UGT2B7: variants seen among roughly 807,000 people sequenced by gnomAD.
The protein encoded by UGT2B7 is UDP glucuronosyltransferase family 2 member B7.
A neutral mutation model predicts 51.9 loss-of-function variants in UGT2B7; 51 were observed. That is an observed-to-expected ratio of 0.98 (90% confidence interval 0.78 to 1.24). The LOEUF (loss-of-function observed/expected upper bound fraction) is 1.24, where lower values mean the gene tolerates loss of function less well. UGT2B7 is among the 50% of genes most tolerant of loss of function. The probability of loss-of-function intolerance (pLI) is 0.00; values close to 1 mark genes in which losing one functional copy is unlikely to be tolerated. For synonymous variants in UGT2B7, 225 were observed against 211.6 expected (o/e 1.06, Z -0.55); for missense variants, 727 against 628.4 (o/e 1.16, Z -1.68).
intron 1 of UGT2B7, among the ~76,000 whole-genome samples, chr4:69,062,970 C>G (rs1455960334): frequency 1.3e-5 from 2 of 152,126 alleles, no homozygotes; most frequent in Non-Finnish European, 2.9e-5. Flanking sequence ...TTGTGCTGAT[C>G]CCCATATCTA....
Position 69,096,562 on chromosome 4 carries a change from G to C in UGT2B7, c.42G>C (p.Leu14=). 6.2e-7 allele frequency: 1 copy of C among 1,613,942 alleles called. No individual in the cohort carries two copies. The highest frequency in any genetic ancestry group is 8.5e-7 in the Non-Finnish European group (1 of 1,179,874). Residue 14 remains leucine, a synonymous_variant, in exon 1 of 6, where the codon CTG becomes CTC. Coordinates refer to ENST00000305231, the MANE Select transcript of UGT2B7 (RefSeq NM_001074.4). ...CTTCAGTAATTTTGCTAATACAACTGAGCTTTTGCTTTAGCTCTGGGAATT... is the reference window on the plus strand; with the variant it reads ...CTTCAGTAATTTTGCTAATACAACTCAGCTTTTGCTTTAGCTCTGGGAATT... ...KWTSVILLIQ[L]SFCFSSGNCG...
rs191133161 is a variant in UGT2B7, at chr4:69,059,662, G to C, written c.-159+8060G>C. 3.7e-3 allele frequency among the ~76,000 whole-genome samples: 522 copies of C among 141,840 alleles called. 5 individuals are homozygous for C. The highest frequency in any genetic ancestry group is 0.013 in the African/African-American group (499 of 37,250). The allele number at this position is 141,840 out of a possible 152,430, so 93.1% of individuals were successfully genotyped here. ...GTTAAAATCCAGTTCAGGTCCAACA[G>C]TACCTGCTACTCCCTGAGGCCATAC... On this transcript the variant is annotated intron_variant, in intron 1 of 5. Coordinates refer to the UGT2B7 transcript ENST00000502942.
chr4:69,064,088 GAAAGAA>G lies in UGT2B7; in HGVS notation c.-159+12488_-159+12493del, dbSNP rs1560499740. ...AGAAAGAAAGAAAGAAAGAAAGAAAGAAAGAAAGAGAAAGAAAGAAAGAAAAAGAAA... is the reference window on the plus strand; with the variant it reads ...AGAAAGAAAGAAAGAAAGAAAGAAAGAGAGAAAGAAAGAAAGAAAAAGAAA... On this transcript the variant is annotated intron_variant, in intron 1 of 5. Transcript: ENST00000502942. Among the ~76,000 whole-genome samples, 501 of 104,856 alleles carry G rather than the reference GAAAGAA, an allele frequency of 4.8e-3. 13 individuals are homozygous for G. The highest frequency in any genetic ancestry group is 0.013 in the African/African-American group (269 of 19,986). The allele number at this position is 104,856 out of a possible 152,430, so 68.8% of individuals were successfully genotyped here.
In UGT2B7 at chr4:69,096,983, C is replaced by A. The variant is rs1468679250; in HGVS notation, c.463C>A (p.Pro155Thr). Residue 155 changes from proline to threonine, a missense_variant, in exon 1 of 6, where the codon CCC becomes ACC. Pro to Thr is a conservative substitution (Grantham distance 38, BLOSUM62 -1). Transcript: ENST00000305231. Reference sequence around the variant, plus strand: ...CGTCATTTTTGCAGATGCTATTTTTCCCTGTAGTGAGCTGCTGGCTGAGCT... The same window carrying A: ...CGTCATTTTTGCAGATGCTATTTTTACCTGTAGTGAGCTGCTGGCTGAGCT... ...FDVIFADAIF[P>T]CSELLAELFN... 1.9e-6 allele frequency: 3 copies of A among 1,613,646 alleles called. No individual in the cohort carries two copies. Among genetic ancestry groups the A allele is most frequent in the Admixed American group, 1.7e-5 (1 of 59,926 alleles).
At chr4:69,075,937 T>TC (rs1352088265) in intron 1 of UGT2B7, among the ~76,000 whole-genome samples, 16 of 151,002 alleles carry the variant, frequency 1.1e-4, no homozygotes, top group African/African-American at 3.9e-4. Context: ...CTAGCCCCCC[T>TC]CCCCATAACA....
At chr4:69,063,011 G>T (rs901559790) in intron 1 of UGT2B7, among the ~76,000 whole-genome samples, 1 of 152,080 alleles carries the variant, frequency 6.6e-6, no homozygotes, top group African/African-American at 2.4e-5. Flanking sequence ...TTAGGATGCC[G>T]TCACTGCATG....
At chr4:69,107,522 C>T (rs1334973181) in intron 4 of UGT2B7, among the ~76,000 whole-genome samples, 1 of 152,132 alleles carries the variant, frequency 6.6e-6, no homozygotes, top group Non-Finnish European at 1.5e-5. Context: ...TTTTCAATAA[C>T]TTCCTGGGCT....
intron 2 of UGT2B7, 53 bp downstream of exon 2, chr4:69,098,741 A>T: frequency 1.3e-6 from 2 of 1,598,628 alleles, no homozygotes; most frequent in Non-Finnish European, 1.7e-6. Context: ...TTCAGTAGAA[A>T]TGATTCTATA....
chr4:69,060,815 C>T (rs556372947), intron 1 of UGT2B7, among the ~76,000 whole-genome samples: 5 of 152,216 alleles, frequency 3.3e-5, no homozygotes, highest in East Asian at 1.9e-4. Flanking sequence ...TTTTCGAATC[C>T]GAGAATAACT....
At chr4:69,109,410 C>T (rs1719709325) in intron 5 of UGT2B7, among the ~76,000 whole-genome samples, 2 of 152,072 alleles carry the variant, frequency 1.3e-5, no homozygotes, top group South Asian at 2.1e-4. Context: ...TATTCCCTGA[C>T]TTTTTGTTAC....
At chr4:69,064,100 A>AAGAGAG (rs1718431277) in intron 1 of UGT2B7, among the ~76,000 whole-genome samples, 78 of 104,738 alleles carry the variant, frequency 7.4e-4, no homozygotes, top group Non-Finnish European at 1.1e-3. Flanking sequence ...AAGAAAGAGA[A>AAGAGAG]AGAAAGAAAG....
At chr4:69,070,828 G>A (rs1406834757) in intron 1 of UGT2B7, among the ~76,000 whole-genome samples, 6 of 151,998 alleles carry the variant, frequency 3.9e-5, no homozygotes, top group African/African-American at 1.4e-4. Context: ...ATATAAGCTG[G>A]ACTAAACTTG....
chr4:69,096,937 A>T lies in UGT2B7; in HGVS notation c.417A>T (p.Lys139Asn). The T allele has an allele frequency of 6.2e-7, 1 of 1,612,136 alleles. No individual in the cohort carries two copies. Among genetic ancestry groups the T allele is most frequent in the Non-Finnish European group, 8.5e-7 (1 of 1,179,508 alleles). The stretch of plus-strand genomic sequence containing the variant: ...TTTCAAATAAGAAATTTATGAAAAA[A>T]GTACAAGAGTCAAGATTTGACGTCA... ...DVVSNKKFMK[K>N]VQESRFDVIF... Residue 139 changes from lysine (K) to asparagine (N), a missense_variant, in exon 1 of 6, where the codon AAA becomes AAT. Physicochemically the swap from Lys to Asn is moderately conservative, Grantham distance 94 (BLOSUM62 0). Transcript: ENST00000305231.
chr4:69,084,631 C>T (rs915409899), intron 1 of UGT2B7, among the ~76,000 whole-genome samples: 10 of 151,950 alleles, frequency 6.6e-5, no homozygotes, highest in Admixed American at 3.3e-4. Flanking sequence ...CCCCAACGCA[C>T]GACAGGCCCC....
At chr4:69,103,062 G>A in intron 3 of UGT2B7, 124 bp downstream of exon 3, 1 of 1,482,280 alleles carries the variant, frequency 6.7e-7, no homozygotes, top group Non-Finnish European at 9.0e-7. Flanking sequence ...ATTAGAACAA[G>A]GATAATCTTG....
intron 2 of UGT2B7, among the ~76,000 whole-genome samples, chr4:69,100,664 T>C (rs114256510): frequency 8.8e-4 from 133 of 151,976 alleles, no homozygotes; most frequent in African/African-American, 2.7e-3. Flanking sequence ...GGGAAGAGAA[T>C]AGGAGGTGTA....
intron 1 of UGT2B7, among the ~76,000 whole-genome samples, chr4:69,064,029 A>AAAGAAAGAC (rs1718417195): frequency 2.7e-5 from 2 of 74,942 alleles, no homozygotes; most frequent in African/African-American, 1.6e-4. Flanking sequence ...GGAAAGAAAG[A>AAAGAAAGAC]AAGAAAGAAA....
intron 1 of UGT2B7, among the ~76,000 whole-genome samples, chr4:69,079,342 C>A (rs1052693335): frequency 2.0e-5 from 3 of 152,152 alleles, no homozygotes; most frequent in Non-Finnish European, 4.4e-5. Flanking sequence ...TCCAAAAAGA[C>A]AAACACTATT....
chr4:69,108,859 T>C (rs1376153715), intron 5 of UGT2B7, among the ~76,000 whole-genome samples: 2 of 152,080 alleles, frequency 1.3e-5, no homozygotes, highest in East Asian at 1.9e-4. Context: ...TTTTAGAACA[T>C]TTTTATCAAC....
Sources: allele counts gnomAD v4.1 joint callset (sites outside exome capture counted in the v4.1 genomes callset), GRCh38; gene constraint gnomAD v4.1.1; transcripts MANE v1.5; gene names NCBI Gene and HGNC (gene_info 2026-07-23, HGNC 2026-07-21).